SUCNR1: variants seen among roughly 807,000 people sequenced by gnomAD.
The protein encoded by SUCNR1 is G-protein coupled receptor 91.
In SUCNR1, 5 loss-of-function variants were observed where a neutral mutation model predicts 2.4. The ratio of observed to expected loss-of-function variants is 2.07; its 90% CI spans 1.08 to 4.36. The LOEUF (loss-of-function observed/expected upper bound fraction) is 4.36. Among genes scored for constraint, SUCNR1 ranks in the 30% most tolerant of loss-of-function variants. The probability of loss-of-function intolerance (pLI) is 0.00; values close to 1 mark genes in which losing one functional copy is unlikely to be tolerated. For synonymous variants in SUCNR1, 162 were observed against 143.9 expected (o/e 1.13, Z -0.90); for missense variants, 373 against 399.2 (o/e 0.93, Z 0.56).
chr3:151,874,176 A>C (rs1398869289), intron 1 of SUCNR1, among the ~76,000 whole-genome samples: 2 of 121,994 alleles, frequency 1.6e-5, no homozygotes, highest in Non-Finnish European at 3.4e-5. Flanking sequence ...TTTTTAAGAC[A>C]GAGTTTCACT....
chr3:151,875,274 T>C (rs1283272708), intron 1 of SUCNR1, among the ~76,000 whole-genome samples: 2 of 152,092 alleles, frequency 1.3e-5, no homozygotes, highest in South Asian at 4.1e-4. Context: ...GAAGAGAGAA[T>C]ATGAATTTTT....
intron 1 of SUCNR1, among the ~76,000 whole-genome samples, chr3:151,874,512 G>A (rs752862138): frequency 3.3e-5 from 5 of 151,880 alleles, no homozygotes; most frequent in Non-Finnish European, 5.9e-5. Flanking sequence ...AATGTATTTG[G>A]GGGAATTTTC....
At position 151,882,801 on chromosome 3, in the gene SUCNR1, G is replaced by GA. The variant is rs1408293826; in HGVS notation, c.*1259dup. ...TTTCCTGCACAAAACAAATGTAGGG[G>GA]AAAAAATGGGTGCTGCATTAGCTTT... On this transcript the variant is annotated 3_prime_UTR_variant, in exon 3 of 3. Coordinates refer to ENST00000362032, the MANE Select transcript of SUCNR1 (RefSeq NM_033050.6). 1.3e-5 allele frequency: 2 copies of GA among 152,006 alleles called. No homozygotes were observed. The highest frequency in any genetic ancestry group is 2.9e-5 in the Non-Finnish European group (2 of 67,930). The allele number at this position is 152,006 out of a possible 1,614,324, so 9.4% of individuals were successfully genotyped here.
Position 151,881,476 on chromosome 3 carries a change from A to T in SUCNR1, c.933A>T (p.Arg311Ser). ...HFRDMLMNQLRHNFKSLTSFS... is the reference protein window; with the variant it reads ...HFRDMLMNQLSHNFKSLTSFS... ...GGGACATGCTGATGAATCAACTGAG[A>T]CACAACTTCAAATCCCTTACATCCT... Residue 311 changes from arginine (R) to serine (S), a missense_variant, in exon 3 of 3, where the codon AGA (arginine) becomes AGT (serine). Arg to Ser is a moderately radical substitution (Grantham distance 110). Coordinates refer to ENST00000362032, the MANE Select transcript of SUCNR1 (RefSeq NM_033050.6). The T allele has an allele frequency of 6.2e-7, 1 of 1,613,958 alleles. No homozygotes were observed. Among genetic ancestry groups the T allele is most frequent in the Non-Finnish European group, 8.5e-7 (1 of 1,179,912 alleles).
In SUCNR1 at chr3:151,882,224, A is replaced by G. The variant is rs1718123486; in HGVS notation, c.*676A>G. 1 of 152,182 alleles carries G rather than the reference A, an allele frequency of 6.6e-6. No individual in the cohort carries two copies. Among genetic ancestry groups the G allele is most frequent in the Admixed American group, 6.5e-5 (1 of 15,272 alleles). The allele number at this position is 152,182 out of a possible 1,614,324, so 9.4% of individuals were successfully genotyped here. A position where few individuals can be genotyped will look rare whatever the true frequency, so the allele number is the denominator to read the frequency against. On this transcript the variant is annotated 3_prime_UTR_variant, in exon 3 of 3. Coordinates refer to ENST00000362032, the MANE Select transcript of SUCNR1 (RefSeq NM_033050.6). ...TTTGAGCTTGTCAGAGAATTTAAGTATCAAAATACTAGAGAGATACACCAA... is the reference window on the plus strand; with the variant it reads ...TTTGAGCTTGTCAGAGAATTTAAGTGTCAAAATACTAGAGAGATACACCAA...
Position 151,883,948 on chromosome 3 carries a change from G to T in SUCNR1, c.*2400G>T, listed in dbSNP as rs765887887. 14 of 152,054 alleles carry T rather than the reference G, an allele frequency of 9.2e-5. No homozygotes were observed. Among genetic ancestry groups the T allele is most frequent in the Non-Finnish European group, 1.8e-4 (12 of 68,008 alleles). 9.4% of individuals were successfully genotyped at this position (152,054 alleles called of 1,614,324 possible). On this transcript the variant is annotated 3_prime_UTR_variant, in exon 3 of 3. Transcript: ENST00000362032. ...ATCTTTGTTCTATCATACCTGAATG[G>T]TATAATAATTCTAAACAACTTTCAA...
chr3:151,881,375 A>G lies in SUCNR1; in HGVS notation c.832A>G (p.Ile278Val). ...TCAGGTCGTCATCAACTCCTTTTACATTGTGACACGGCCTTTGGCCTTTCT... is the reference window on the plus strand; with the variant it reads ...TCAGGTCGTCATCAACTCCTTTTACGTTGTGACACGGCCTTTGGCCTTTCT... Reference protein sequence around the residue: ...CTQVVINSFYIVTRPLAFLNS... With the variant: ...CTQVVINSFYVVTRPLAFLNS... The change falls in exon 3 of 3, where the codon ATT becomes GTT. Residue 278 changes from isoleucine (I) to valine (V), a missense_variant. This residue lies in a region of SUCNR1 where 157 missense variants were observed against 178.7 expected (regional missense o/e 0.88). Transcript: ENST00000362032. 1.2e-6 allele frequency: 2 copies of G among 1,614,128 alleles called. No individual in the cohort carries two copies. Among genetic ancestry groups the G allele is most frequent in the Non-Finnish European group, 1.7e-6 (2 of 1,180,014 alleles).
rs1718164806 is a variant in SUCNR1, at chr3:151,883,499, T to A, written c.*1951T>A. On this transcript the variant is annotated 3_prime_UTR_variant, in exon 3 of 3. Coordinates refer to ENST00000362032, the MANE Select transcript of SUCNR1 (RefSeq NM_033050.6). Reference sequence around the variant, plus strand: ...ATATATATATATATATATATATATATATATATGTACCTTGTAAACAAGAGG... The same window carrying A: ...ATATATATATATATATATATATATAAATATATGTACCTTGTAAACAAGAGG... 1 of 123,512 alleles carries A rather than the reference T, an allele frequency of 8.1e-6. No homozygotes were observed. The highest frequency in any genetic ancestry group is 7.6e-5 in the Admixed American group (1 of 13,074). 7.7% of individuals were successfully genotyped at this position (123,512 alleles called of 1,614,324 possible).
rs753609342 is a variant in SUCNR1, at chr3:151,880,724, T to G, written c.181T>G (p.Tyr61Asp). 1 of 1,614,164 alleles carries G rather than the reference T, an allele frequency of 6.2e-7. No homozygotes were observed. The highest frequency in any genetic ancestry group is 8.5e-7 in the Non-Finnish European group (1 of 1,179,992). The part of the protein sequence containing the change: ...SLKNWNSSNI[Y>D]LFNLSVSDLA... The stretch of plus-strand genomic sequence containing the variant: ...GAAGAACTGGAACAGCAGTAATATT[T>G]ATCTCTTTAACCTCTCTGTCTCTGA... The change falls in exon 3 of 3, where the codon TAT becomes GAT. Residue 61 changes from tyrosine to aspartate, a missense_variant. Coordinates refer to ENST00000362032, the MANE Select transcript of SUCNR1 (RefSeq NM_033050.6).
intron 1 of SUCNR1, among the ~76,000 whole-genome samples, chr3:151,873,966 A>ATATATT: frequency 6.6e-6 from 1 of 151,456 alleles, no homozygotes; most frequent in Non-Finnish European, 1.5e-5. Context: ...ATTTGCTAAC[A>ATATATT]TCTCAACAAC....
At chr3:151,880,442 T>C in intron 2 of SUCNR1, 117 bp from the exon 3 acceptor site, 1 of 750,618 alleles carries the variant, frequency 1.3e-6, no homozygotes, top group Admixed American at 2.7e-5. Context: ...CTTACTGATG[T>C]AACCTACTTT....
intron 1 of SUCNR1, among the ~76,000 whole-genome samples, chr3:151,877,964 G>C (rs2108065703): frequency 6.6e-6 from 1 of 152,228 alleles, no homozygotes; most frequent in South Asian, 2.1e-4. Context: ...TGCCTGCAAA[G>C]AACAACCAGG....
intron 1 of SUCNR1, among the ~76,000 whole-genome samples, chr3:151,878,457 A>C (rs904120304): frequency 3.9e-5 from 6 of 152,168 alleles, no homozygotes; most frequent in Non-Finnish European, 8.8e-5. Flanking sequence ...TATCTCAATG[A>C]ACTAGGAGGT....
chr3:151,880,410 A>G (rs1718052028), intron 2 of SUCNR1, 149 bp from the exon 3 acceptor site: 2 of 605,714 alleles, frequency 3.3e-6, no homozygotes, highest in East Asian at 5.6e-5. Flanking sequence ...TTAATGACAT[A>G]TATATATGTG....
rs780824530 is a variant in SUCNR1 at position 151,881,295 on chromosome 3, T to C, written c.752T>C (p.Met251Thr). The change falls in exon 3 of 3, where the codon ATG becomes ACG. Residue 251 changes from methionine (M) to threonine (T), a missense_variant. Physicochemically the swap from Met to Thr is moderately conservative, Grantham distance 81. Transcript: ENST00000362032. ...GTGCTTTTTACACCCTATCACGTCATGCGGAATGTGAGGATCGCTTCACGC... is the reference window on the plus strand; with the variant it reads ...GTGCTTTTTACACCCTATCACGTCACGCGGAATGTGAGGATCGCTTCACGC... ...FSVLFTPYHV[M>T]RNVRIASRLG... 2 of 1,614,108 alleles carry C rather than the reference T, an allele frequency of 1.2e-6. No homozygotes were observed. The highest frequency in any genetic ancestry group is 2.2e-5 in the East Asian group (1 of 44,900).
At position 151,879,880 on chromosome 3, in the gene SUCNR1, G is replaced by T. The variant is rs1337111287; in HGVS notation, c.-13G>T. On this transcript the variant is annotated 5_prime_UTR_variant, in exon 2 of 3. Coordinates refer to ENST00000362032, the MANE Select transcript of SUCNR1 (RefSeq NM_033050.6). The stretch of plus-strand genomic sequence containing the variant: ...ATGGTTTAACTCAGCAGAATTTGTT[G>T]AACAACTACGACATGCTGGGGATCA... 1.3e-6 allele frequency: 2 copies of T among 1,571,788 alleles called. No homozygotes were observed. Among genetic ancestry groups the T allele is most frequent in the Non-Finnish European group, 1.7e-6 (2 of 1,158,240 alleles).
In SUCNR1 at chr3:151,881,710, G is replaced by T. The variant is rs1431435557; in HGVS notation, c.*162G>T. 1.2e-5 allele frequency: 8 copies of T among 661,478 alleles called. No homozygotes were observed. The East Asian group carries it at 2.2e-4, about 19-fold the overall frequency. The allele number at this position is 661,478 out of a possible 1,614,324, so 41.0% of individuals were successfully genotyped here. On this transcript the variant is annotated 3_prime_UTR_variant, in exon 3 of 3. Transcript: ENST00000362032. Reference sequence around the variant, plus strand: ...AGAATGGGACGACAAGAATGTACTGGTTTCTTCCTCTAAGAATTGAAAGGA... The same window carrying T: ...AGAATGGGACGACAAGAATGTACTGTTTTCTTCCTCTAAGAATTGAAAGGA...
intron 1 of SUCNR1, among the ~76,000 whole-genome samples, chr3:151,877,824 T>C (rs928940834): frequency 6.6e-6 from 1 of 152,120 alleles, no homozygotes; most frequent in Non-Finnish European, 1.5e-5. Flanking sequence ...TGTTGATGTA[T>C]AGTTGGTCAT....
Position 151,880,790 on chromosome 3 carries a change from T to A in SUCNR1, c.247T>A (p.Tyr83Asn). 6.2e-7 allele frequency: 1 copy of A among 1,614,152 alleles called. No homozygotes were observed. The highest frequency in any genetic ancestry group is 8.5e-7 in the Non-Finnish European group (1 of 1,180,002). ...CACCCTCCCCATGCTGATAAGGAGT[T>A]ATGCCAATGGAAACTGGATATATGG... The part of the protein sequence containing the change: ...LCTLPMLIRS[Y>N]ANGNWIYGDV... The change falls in exon 3 of 3, where the codon TAT (tyrosine) becomes AAT (asparagine). Residue 83 changes from tyrosine to asparagine, a missense_variant. Physicochemically the swap from Tyr to Asn is moderately radical, Grantham distance 143. Coordinates refer to ENST00000362032, the MANE Select transcript of SUCNR1 (RefSeq NM_033050.6).
Sources: allele counts gnomAD v4.1 joint callset (sites outside exome capture counted in the v4.1 genomes callset), GRCh38; gene constraint gnomAD v4.1.1; regional missense constraint gnomAD v4.1.1; transcripts MANE v1.5; gene names NCBI Gene and HGNC (gene_info 2026-07-23, HGNC 2026-07-21).